Variants in ZNF610 observed in about 807,000 individuals in gnomAD.
The protein encoded by ZNF610 is zinc finger protein 610.
Under a neutral mutation model 14.1 loss-of-function variants are expected in ZNF610, and 14 were observed. The observed-to-expected ratio is 0.99, with a 90% CI of 0.65 to 1.55. The LOEUF is 1.55. ZNF610 is among the 40% of genes most tolerant of loss of function. The pLI is 0.00. For synonymous variants in ZNF610, 185 were observed against 187.6 expected, an observed-to-expected ratio of 0.99 and a Z score of 0.11; for missense variants, 530 against 558.0, an observed-to-expected ratio of 0.95 and a Z score of 0.51.
At chr19:52,344,875 C>T (rs1028907247) in intron 1 of ZNF610, among the ~76,000 whole-genome samples, 2 of 152,152 alleles carry the variant, frequency 1.3e-5, no homozygotes, top group South Asian at 4.1e-4. Flanking sequence ...CTCTGCCTCC[C>T]AGGTTCAAGT....
chr19:52,347,398 T>C (rs1985012649), intron 1 of ZNF610: 1 of 152,214 alleles, frequency 6.6e-6, no homozygotes. Context: ...TAAATGTTAT[T>C]GTAGAAGTCA....
At chr19:52,352,480 C>T (rs749475438) in intron 3 of ZNF610, among the ~76,000 whole-genome samples, 34 of 152,142 alleles carry the variant, frequency 2.2e-4, no homozygotes, top group Non-Finnish European at 2.9e-4. Context: ...TCAGGTGATC[C>T]GCCCATCTTG....
intron 5 of ZNF610, among the ~76,000 whole-genome samples, chr19:52,356,143 G>A (rs904081404): frequency 1.3e-5 from 2 of 152,130 alleles, no homozygotes; most frequent in African/African-American, 4.8e-5. Flanking sequence ...CAGGAACCGG[G>A]GAAGAGACCA....
intron 1 of ZNF610, among the ~76,000 whole-genome samples, chr19:52,337,424 G>A (rs1984437665): frequency 6.6e-6 from 1 of 151,920 alleles, no homozygotes. Flanking sequence ...GGAAATTGGG[G>A]ACAATCAAAA....
rs575323825 is a variant in ZNF610, at chr19:52,353,607, C to A, written c.64-75C>A. 172 of 1,529,452 alleles carry A rather than the reference C, an allele frequency of 1.1e-4. 1 individual carries two copies. The South Asian group carries it at 1.9e-3, about 16-fold the overall frequency. 94.7% of individuals were successfully genotyped at this position (1,529,452 alleles called of 1,614,324 possible). A position where few individuals can be genotyped will look rare whatever the true frequency, so the allele number is the denominator to read the frequency against. On this transcript the variant is annotated intron_variant, in intron 3 of 5. Transcript: ENST00000403906. ...CTGCCATTTTTAATAGCTTAATATT[C>A]AAAAATGTTTATCAACTAAATTGAG...
At position 52,336,265 on chromosome 19, in the gene ZNF610, T is replaced by C; in HGVS notation, c.-499T>C. ...TTTGCAGACCCGGAAGCGGATCGCG[T>C]GGGTAGAAGGTCACACCGCAGCGCG... On this transcript the variant is annotated 5_prime_UTR_variant, in exon 1 of 6. Coordinates refer to ENST00000403906, the MANE Select transcript of ZNF610 (RefSeq NM_001161425.2). 1 of 270,230 alleles carries C rather than the reference T, an allele frequency of 3.7e-6. No homozygotes were observed. The highest frequency in any genetic ancestry group is 7.1e-6 in the Non-Finnish European group (1 of 141,616). The allele number at this position is 270,230 out of a possible 1,614,324, so 16.7% of individuals were successfully genotyped here. A position where few individuals can be genotyped will look rare whatever the true frequency, so the allele number is the denominator to read the frequency against.
At position 52,366,056 on chromosome 19, in the gene ZNF610, T is replaced by C; in HGVS notation, c.678T>C (p.His226=). Reference sequence around the variant, plus strand: ...GCCTTACTAACCATCAAGTAATCCATACTGCAGAGAAACCTTACAAATGTA... The same window carrying C: ...GCCTTACTAACCATCAAGTAATCCACACTGCAGAGAAACCTTACAAATGTA... ...RASLTNHQVI[H]TAEKPYKCTE... Residue 226 remains histidine, a synonymous_variant, in exon 6 of 6, where the codon CAT becomes CAC. Coordinates refer to ENST00000403906, the MANE Select transcript of ZNF610 (RefSeq NM_001161425.2). 2 of 1,614,136 alleles carry C rather than the reference T, an allele frequency of 1.2e-6. No individual in the cohort carries two copies. Among genetic ancestry groups the C allele is most frequent in the Non-Finnish European group, 8.5e-7 (1 of 1,180,020 alleles).
At chr19:52,349,923 A>G (rs1985169652) in intron 3 of ZNF610, among the ~76,000 whole-genome samples, 1 of 152,184 alleles carries the variant, frequency 6.6e-6, no homozygotes, top group South Asian at 2.1e-4. Flanking sequence ...AAAGGAGTTC[A>G]GGAAGGAGAA....
At chr19:52,338,981 G>C (rs560562579) in intron 1 of ZNF610, among the ~76,000 whole-genome samples, 1 of 152,000 alleles carries the variant, frequency 6.6e-6, no homozygotes, top group African/African-American at 2.4e-5. Context: ...CTACCATCTC[G>C]GAGAGGGGGA....
intron 1 of ZNF610, among the ~76,000 whole-genome samples, chr19:52,341,112 A>G (rs1984672249): frequency 2.0e-5 from 3 of 152,156 alleles, no homozygotes; most frequent in African/African-American, 2.4e-5. Flanking sequence ...TGTATTTACT[A>G]CATTTCTCCC....
upstream of ZNF610, among the ~76,000 whole-genome samples, chr19:52,336,081 C>G (rs907180518): frequency 1.3e-5 from 2 of 152,150 alleles, no homozygotes; most frequent in Non-Finnish European, 2.9e-5. Flanking sequence ...CCTCAACTGA[C>G]GTTGCTTTGC....
At chr19:52,342,791 C>T (rs1984749400) in intron 1 of ZNF610, among the ~76,000 whole-genome samples, 2 of 152,130 alleles carry the variant, frequency 1.3e-5, no homozygotes, top group East Asian at 1.9e-4. Context: ...TCCCAAAGTG[C>T]TGAGATTACA....
At chr19:52,345,442 C>T (rs2122196481) in intron 1 of ZNF610, 1 of 152,242 alleles carries the variant, frequency 6.6e-6, no homozygotes, top group East Asian at 1.9e-4. Context: ...CAGCTTTAAC[C>T]TGGGTGTGGG....
chr19:52,330,925 T>A, the ZNF610 span, among the ~76,000 whole-genome samples: 1 of 152,292 alleles, frequency 6.6e-6, no homozygotes, highest in East Asian at 1.9e-4. Context: ...TGGCACTTTC[T>A]GATATACATG....
chr19:52,354,038 T>C (rs931997515), intron 4 of ZNF610, among the ~76,000 whole-genome samples: 1 of 152,214 alleles, frequency 6.6e-6, no homozygotes, highest in Non-Finnish European at 1.5e-5. Flanking sequence ...GTTCTCTGTT[T>C]TCTCCCCTGT....
chr19:52,349,478 G>C (rs182582013), intron 3 of ZNF610, among the ~76,000 whole-genome samples: 116 of 152,184 alleles, frequency 7.6e-4, no homozygotes, highest in African/African-American at 9.1e-4. Context: ...GGTGTCAGTG[G>C]TGTTGGGCAG....
chr19:52,333,422 C>T (rs1277075499), upstream of ZNF610, among the ~76,000 whole-genome samples: 2 of 152,198 alleles, frequency 1.3e-5, no homozygotes, highest in Non-Finnish European at 2.9e-5. Context: ...TACAACATGG[C>T]TGCCTCCCAG....
chr19:52,338,919 A>ACCCGCGCCGGC (rs1555800688), intron 1 of ZNF610, among the ~76,000 whole-genome samples: 2 of 151,214 alleles, frequency 1.3e-5, no homozygotes, highest in Non-Finnish European at 1.5e-5. Context: ...CATACGGAGG[A>ACCCGCGCCGGC]CCCGCGCCGG....
chr19:52,342,512 C>A (rs1288161654), intron 1 of ZNF610, among the ~76,000 whole-genome samples: 1 of 150,420 alleles, frequency 6.6e-6, no homozygotes, highest in Non-Finnish European at 1.5e-5. Flanking sequence ...TTTAAAAAAT[C>A]TGTTTAACTT....
Sources: allele counts gnomAD v4.1 joint callset (sites outside exome capture counted in the v4.1 genomes callset), GRCh38; gene constraint gnomAD v4.1.1; transcripts MANE v1.5; gene names NCBI Gene and HGNC (gene_info 2026-07-23, HGNC 2026-07-21).